The following HEATR5B variants were observed in gnomAD, a reference collection of about 807,000 sequenced individuals.
HEATR5B encodes the protein HEAT repeat-containing protein 5B.
HEATR5B carries 156 observed loss-of-function variants against 224.1 expected under a neutral mutation model. That is an observed-to-expected ratio of 0.70 (90% CI 0.61 to 0.80). The LOEUF is 0.80. Ranked by LOEUF, HEATR5B falls within the 30% of genes least tolerant of loss-of-function variation. The probability of loss-of-function intolerance (pLI) is 0.00; values close to 1 mark genes in which losing one functional copy is unlikely to be tolerated. For missense variants in HEATR5B, 2,323 were observed against 2,535.5 expected (o/e 0.92, Z 1.80); for synonymous variants, 1,027 against 893.0 (o/e 1.15, Z -2.68).
chr2:37,051,226 C>T lies in HEATR5B; in HGVS notation c.2506-1383G>A, dbSNP rs138485402. 2.9e-3 allele frequency among the ~76,000 whole-genome samples: 432 copies of T among 151,566 alleles called. 2 individuals are homozygous for T. The highest frequency in any genetic ancestry group is 6.8e-3 in the Middle Eastern group (2 of 294). On this transcript the variant is annotated intron_variant, in intron 17 of 35. Transcript: ENST00000233099. ...CAAAAATTAGCTGGGCATGATGGCGCGTGCCTATAATCTCAGCTACTCGGG... is the reference window on the plus strand; with the variant it reads ...CAAAAATTAGCTGGGCATGATGGCGTGTGCCTATAATCTCAGCTACTCGGG...
chr2:37,069,871 C>T (rs981658643), intron 7 of HEATR5B, among the ~76,000 whole-genome samples: 1 of 150,340 alleles, frequency 6.7e-6, no homozygotes. Context: ...CAGTTTTCCA[C>T]GAAGTTTCAC....
chr2:37,002,960 T>C (rs1348017315), intron 31 of HEATR5B, among the ~76,000 whole-genome samples: 1 of 152,130 alleles, frequency 6.6e-6, no homozygotes, highest in African/African-American at 2.4e-5. Flanking sequence ...TAATTCTTTT[T>C]TTAATTAATA....
rs1372621150 is a variant in HEATR5B, at chr2:37,008,854, A to G, written c.4285-6T>C. 3 of 1,515,624 alleles carry G rather than the reference A, an allele frequency of 2.0e-6. No homozygotes were observed. The highest frequency in any genetic ancestry group is 1.7e-5 in the Admixed American group (1 of 57,566). 93.9% of individuals were successfully genotyped at this position (1,515,624 alleles called of 1,614,324 possible). On this transcript the variant is annotated splice_region_variant and splice_polypyrimidine_tract_variant and intron_variant, in intron 27 of 35. Transcript: ENST00000233099. ...TTCATAGCGACCACATATACCTAAT[A>G]TGATATTTATGAGGACAAAATAGTA...
rs372303064 is a variant in HEATR5B, at chr2:36,999,258, T to C, written c.5545+1328A>G. ...CAAAAACACCCGAAAAAACATAATA[T>C]CAACATGTAGTTCCATGTGGGGGTA... On this transcript the variant is annotated intron_variant, in intron 33 of 35. Coordinates refer to ENST00000233099, the MANE Select transcript of HEATR5B (RefSeq NM_019024.3). 6.7e-4 allele frequency among the ~76,000 whole-genome samples: 102 copies of C among 152,072 alleles called. 1 individual carries two copies. The South Asian group carries it at 0.021, about 32-fold the overall frequency.
At chr2:37,025,925 T>C (rs958424380) in intron 24 of HEATR5B, among the ~76,000 whole-genome samples, 9 of 152,132 alleles carry the variant, frequency 5.9e-5, no homozygotes, top group African/African-American at 2.2e-4. Context: ...TAAACCAGTG[T>C]AGTAGGCAGA....
intron 8 of HEATR5B, among the ~76,000 whole-genome samples, chr2:37,066,981 C>T (rs1671626679): frequency 6.6e-6 from 1 of 151,936 alleles, no homozygotes; most frequent in Admixed American, 6.6e-5. Flanking sequence ...GCAGTCCTCC[C>T]AACTCACCCT....
At chr2:37,015,886 C>G (rs1668082061) in intron 26 of HEATR5B, among the ~76,000 whole-genome samples, 1 of 151,214 alleles carries the variant, frequency 6.6e-6, no homozygotes, top group South Asian at 2.1e-4. Context: ...TCAAGGACAG[C>G]TTTAAACAAA....
Position 37,070,486 on chromosome 2 carries a change from G to C in HEATR5B, c.770-99C>G, listed in dbSNP as rs112706863. The C allele has an allele frequency of 7.7e-4, 658 of 854,266 alleles. 5 individuals are homozygous for C. In the African/African-American group the frequency reaches 0.01, roughly 13 times the overall value. 52.9% of individuals were successfully genotyped at this position (854,266 alleles called of 1,614,324 possible). On this transcript the variant is annotated intron_variant, in intron 6 of 35. Transcript: ENST00000233099. ...TTTTTAAGGACACTTTACTACAATG[G>C]GGAAATGGTTTAGTTTCCTTATAAT...
chr2:37,039,997 A>C (rs1669775171), intron 20 of HEATR5B, among the ~76,000 whole-genome samples: 1 of 152,218 alleles, frequency 6.6e-6, no homozygotes, highest in South Asian at 2.1e-4. Flanking sequence ...AAAAAAATGA[A>C]GCAAAAGTCC....
Position 37,020,820 on chromosome 2 carries a change from A to G in HEATR5B, c.3870T>C (p.Leu1290=), listed in dbSNP as rs1302263565. 3.5e-5 allele frequency: 55 copies of G among 1,553,312 alleles called. No homozygotes were observed. Among genetic ancestry groups the G allele is most frequent in the Non-Finnish European group, 4.5e-5 (52 of 1,157,754 alleles). ...LRNPTNDLLV[L]HLSDLIRMAF... ...CCATGCGAATGAGGTCAGAGAGATGAAGTACCAAGAGGTCATCTAAAAATA... is the reference window on the plus strand; with the variant it reads ...CCATGCGAATGAGGTCAGAGAGATGGAGTACCAAGAGGTCATCTAAAAATA... The change falls in exon 25 of 36, where the codon CTT becomes CTC. Residue 1290 remains leucine, a synonymous_variant. Transcript: ENST00000233099.
chr2:37,072,221 C>T lies in HEATR5B; in HGVS notation c.658G>A (p.Ala220Thr), dbSNP rs150035579. 7 of 1,613,498 alleles carry T rather than the reference C, an allele frequency of 4.3e-6. No homozygotes were observed. In the African/African-American group the frequency reaches 8.0e-5, roughly 18 times the overall value. Residue 220 changes from alanine to threonine, a missense_variant, in exon 6 of 36, where the codon GCC becomes ACC. Coordinates refer to ENST00000233099, the MANE Select transcript of HEATR5B (RefSeq NM_019024.3). ...TCCAAAGCCTTAAAGCAGAGAGTGG[C>T]TATATTTTCTAGTTCAGCAGTCCAC... ...FMWTAELENIATLCFKALENS... is the reference protein window; with the variant it reads ...FMWTAELENITTLCFKALENS...
At chr2:37,018,265 C>A (rs10865119) in intron 26 of HEATR5B, among the ~76,000 whole-genome samples, 79,994 of 151,942 alleles carry the variant, frequency 0.53, 21,376 homozygotes, top group East Asian at 0.67. Flanking sequence ...ATACAAGATA[C>A]AATTCTAATA....
At chr2:37,022,488 T>C (rs892394817) in intron 24 of HEATR5B, among the ~76,000 whole-genome samples, 1 of 152,198 alleles carries the variant, frequency 6.6e-6, no homozygotes, top group African/African-American at 2.4e-5. Flanking sequence ...CAGGCTATAT[T>C]ATCTCCATTG....
At chr2:36,990,510 G>C in intron 34 of HEATR5B, 138 bp downstream of exon 34, 1 of 671,442 alleles carries the variant, frequency 1.5e-6, no homozygotes, top group Non-Finnish European at 2.4e-6. Context: ...CCAGTGATTT[G>C]TTTCAGTTTT....
intron 27 of HEATR5B, among the ~76,000 whole-genome samples, chr2:37,012,992 C>G (rs76793995): frequency 0.013 from 1,918 of 152,250 alleles, 26 homozygotes; most frequent in African/African-American, 0.034. Flanking sequence ...GCTCAGCAAA[C>G]GTAATATATC....
intron 21 of HEATR5B, among the ~76,000 whole-genome samples, chr2:37,035,143 C>T (rs1669397777): frequency 6.6e-6 from 1 of 152,128 alleles, no homozygotes. Flanking sequence ...AAAATACATT[C>T]AACAAATGGT....
chr2:37,030,459 A>G (rs2148467677), intron 22 of HEATR5B, among the ~76,000 whole-genome samples: 1 of 152,348 alleles, frequency 6.6e-6, no homozygotes, highest in Admixed American at 6.5e-5. Context: ...TTGATTAATC[A>G]CTGAGGACAA....
At chr2:37,048,059 G>C (rs984901102) in intron 18 of HEATR5B, among the ~76,000 whole-genome samples, 4 of 152,098 alleles carry the variant, frequency 2.6e-5, no homozygotes, top group African/African-American at 9.7e-5. Context: ...ATTTGAAAAA[G>C]ATAATGAAGG....
At chr2:37,009,256 CAAAAAAAAAAAAAA>C (rs57022846) in intron 27 of HEATR5B, among the ~76,000 whole-genome samples, 2 of 65,670 alleles carry the variant, frequency 3.0e-5, no homozygotes, top group Admixed American at 1.8e-4. Flanking sequence ...GACTCTGTCT[CAAAAAAAAAAAAAA>C]AAAAAAAAAA....
Sources: gnomAD v4.1 joint callset for allele counts (sites outside exome capture counted in the v4.1 genomes callset) on GRCh38, gnomAD v4.1.1 for gene constraint, MANE v1.5 for transcripts, NCBI Gene and HGNC (gene_info 2026-07-23, HGNC 2026-07-21) for gene names.